Variants in PDE3A observed in about 807,000 individuals in gnomAD.
The protein encoded by PDE3A is phosphodiesterase 3A, also known as cGMP-inhibited 3',5'-cyclic phosphodiesterase 3A.
PDE3A carries 43 observed loss-of-function variants against 98.3 expected under a neutral mutation model. That is an observed-to-expected ratio of 0.44 (90% CI 0.34 to 0.56). The LOEUF (loss-of-function observed/expected upper bound fraction) is 0.56. Among genes scored for constraint, PDE3A ranks in the 20% least tolerant of loss-of-function variants. The probability of loss-of-function intolerance (pLI) is 0.01; values close to 1 mark genes in which losing one functional copy is unlikely to be tolerated. For synonymous variants in PDE3A, 663 were observed against 567.9 expected, an observed-to-expected ratio of 1.17 and a Z score of -2.38; for missense variants, 1,427 against 1,440.7, an observed-to-expected ratio of 0.99 and a Z score of 0.15.
chr12:20,673,846 A>G (rs1945558712), intron 15 of PDE3A, among the ~76,000 whole-genome samples: 1 of 76,298 alleles, frequency 1.3e-5, no homozygotes, highest in South Asian at 4.7e-4. Flanking sequence ...CTTAAAGTAT[A>G]ATAAAAATAA....
rs185593571 is a variant in PDE3A at position 20,369,183 on chromosome 12, G to A, written c.-102G>A. The A allele has an allele frequency of 1.3e-3, 940 of 705,288 alleles. 7 individuals carry two copies. Among genetic ancestry groups the A allele is most frequent in the East Asian group, 0.013 (457 of 35,160 alleles). The allele number at this position is 705,288 out of a possible 1,614,324, so 43.7% of individuals were successfully genotyped here. ...TTCCGAGGGTGGAATTGGGAAGAGCGTGCGTGCGTGTGTGTGTGTGTGTGT... is the reference window on the plus strand; with the variant it reads ...TTCCGAGGGTGGAATTGGGAAGAGCATGCGTGCGTGTGTGTGTGTGTGTGT... On this transcript the variant is annotated 5_prime_UTR_variant, in exon 1 of 16. The change creates a new upstream start codon in the 5' untranslated region. Transcript: ENST00000359062.
chr12:20,600,016 C>G (rs955421215), intron 2 of PDE3A, among the ~76,000 whole-genome samples: 1 of 152,168 alleles, frequency 6.6e-6, no homozygotes, highest in African/African-American at 2.4e-5. Context: ...TTCCTTGGTG[C>G]CATGGACACT....
At chr12:20,434,890 A>G (rs1432384291) in intron 1 of PDE3A, among the ~76,000 whole-genome samples, 1 of 152,226 alleles carries the variant, frequency 6.6e-6, no homozygotes, top group African/African-American at 2.4e-5. Flanking sequence ...GTCTCCAATT[A>G]TCCCAAGGAT....
At chr12:20,560,404 G>A (rs541682232) in intron 2 of PDE3A, among the ~76,000 whole-genome samples, 31 of 152,292 alleles carry the variant, frequency 2.0e-4, no homozygotes, top group African/African-American at 7.2e-4. Flanking sequence ...ACACCAAGGA[G>A]AGGAATGAAA....
At chr12:20,622,777 T>C (rs571523830) in intron 5 of PDE3A, among the ~76,000 whole-genome samples, 2 of 152,186 alleles carry the variant, frequency 1.3e-5, no homozygotes, top group East Asian at 3.9e-4. Context: ...AAAGTGATTT[T>C]AGGTATGTAG....
intron 2 of PDE3A, among the ~76,000 whole-genome samples, chr12:20,584,531 A>G (rs1943147154): frequency 6.6e-6 from 1 of 152,194 alleles, no homozygotes; most frequent in Non-Finnish European, 1.5e-5. Flanking sequence ...GGGGTTGGCA[A>G]CCTGTACTTT....
intron 8 of PDE3A, among the ~76,000 whole-genome samples, chr12:20,636,222 A>T (rs1025023582): frequency 2.6e-5 from 4 of 152,162 alleles, no homozygotes; most frequent in Non-Finnish European, 5.9e-5. Context: ...ATTTAAAAAG[A>T]TCCATTTAAG....
chr12:20,497,864 G>C (rs1488433675), intron 1 of PDE3A, among the ~76,000 whole-genome samples: 1 of 152,090 alleles, frequency 6.6e-6, no homozygotes, highest in Non-Finnish European at 1.5e-5. Context: ...CTGTTCAATT[G>C]TGTTAGTATA....
At chr12:20,610,488 C>T (rs576926258) in intron 2 of PDE3A, among the ~76,000 whole-genome samples, 3 of 151,836 alleles carry the variant, frequency 2.0e-5, no homozygotes, top group East Asian at 1.9e-4. Flanking sequence ...AATAGTATAA[C>T]GGTTCTTAAG....
intron 1 of PDE3A, among the ~76,000 whole-genome samples, chr12:20,474,189 A>C (rs1945487570): frequency 6.6e-6 from 1 of 152,194 alleles, no homozygotes; most frequent in Non-Finnish European, 1.5e-5. Context: ...TTTTATGTCT[A>C]TGATGAATAA....
chr12:20,634,916 G>A lies in PDE3A; in HGVS notation c.1861G>A (p.Val621Ile), dbSNP rs897801209. The A allele has an allele frequency of 1.2e-6, 2 of 1,609,534 alleles. No individual in the cohort carries two copies. Among genetic ancestry groups the A allele is most frequent in the African/African-American group, 1.3e-5 (1 of 74,786 alleles). ...TPSRTDDTAQ[V>I]TSDYETNNNS... ...TTTAATTGTAGATGACACTGCTCAA[G>A]TTACCTCTGATTATGAAACCAATAA... The change falls in exon 8 of 16, where the codon GTT becomes ATT. Residue 621 changes from valine to isoleucine, a missense_variant. By Grantham distance (29) the Val-to-Ile change is conservative. Transcript: ENST00000359062.
chr12:20,637,955 T>G (rs1177573550), intron 9 of PDE3A, among the ~76,000 whole-genome samples: 1 of 152,148 alleles, frequency 6.6e-6, no homozygotes, highest in Non-Finnish European at 1.5e-5. Flanking sequence ...AAGAGGATGG[T>G]GTGATAATAT....
chr12:20,673,634 G>A lies in PDE3A; in HGVS notation c.3185-6396G>A, dbSNP rs577349740. Among the ~76,000 whole-genome samples the A allele has an allele frequency of 1.1e-4, 16 of 149,630 alleles. No individual in the cohort carries two copies. In the East Asian group the frequency reaches 1.4e-3, roughly 13 times the overall value. The stretch of plus-strand genomic sequence containing the variant: ...CAAAGACCGCATATTCTCACTCATA[G>A]GTGGGAATTGAACAATGAGAACACA... On this transcript the variant is annotated intron_variant, in intron 15 of 15. Transcript: ENST00000359062.
intron 1 of PDE3A, among the ~76,000 whole-genome samples, chr12:20,538,213 T>C (rs1480304403): frequency 6.6e-6 from 1 of 152,180 alleles, no homozygotes; most frequent in African/African-American, 2.4e-5. Context: ...GATTTGTATA[T>C]GTCTGCTCAA....
intron 1 of PDE3A, among the ~76,000 whole-genome samples, chr12:20,543,665 G>A (rs1204377734): frequency 2.6e-5 from 4 of 151,918 alleles, no homozygotes; most frequent in Non-Finnish European, 4.4e-5. Context: ...GTGTTTTGGC[G>A]TGGCCAAGGA....
At chr12:20,484,616 T>A (rs1945692321) in intron 1 of PDE3A, among the ~76,000 whole-genome samples, 1 of 152,218 alleles carries the variant, frequency 6.6e-6, no homozygotes, top group African/African-American at 2.4e-5. Flanking sequence ...ATTTTTGACT[T>A]GAATTTTGTT....
At chr12:20,371,850 A>G (rs1463454950) in intron 1 of PDE3A, among the ~76,000 whole-genome samples, 3 of 152,054 alleles carry the variant, frequency 2.0e-5, no homozygotes, top group Non-Finnish European at 4.4e-5. Flanking sequence ...TATGGGAGAG[A>G]ATGTCTTAAA....
At chr12:20,518,622 A>G (rs1026103999) in intron 1 of PDE3A, among the ~76,000 whole-genome samples, 5 of 152,190 alleles carry the variant, frequency 3.3e-5, no homozygotes, top group African/African-American at 1.2e-4. Flanking sequence ...GGAAACCAAG[A>G]TTAATAGATG....
At chr12:20,459,533 G>A (rs1945212201) in intron 1 of PDE3A, among the ~76,000 whole-genome samples, 1 of 152,044 alleles carries the variant, frequency 6.6e-6, no homozygotes, top group African/African-American at 2.4e-5. Context: ...TAATGTGTTT[G>A]TTACTAGTGA....
Sources: gnomAD v4.1 joint callset for allele counts (sites outside exome capture counted in the v4.1 genomes callset) on GRCh38, gnomAD v4.1.1 for gene constraint, MANE v1.5 for transcripts, NCBI Gene and HGNC (gene_info 2026-07-23, HGNC 2026-07-21) for gene names.